DLGAP2: variants seen among roughly 807,000 people sequenced by gnomAD.
DLGAP2 encodes disks large-associated protein 2.
A neutral mutation model predicts 100.3 loss-of-function variants in DLGAP2; 26 were observed. That is an observed-to-expected ratio of 0.26 (90% CI 0.19 to 0.36). The LOEUF is 0.36. DLGAP2 is among the 10% of genes least tolerant of loss of function. The pLI is 1.00. For synonymous variants in DLGAP2, 886 were observed against 630.1 expected, an observed-to-expected ratio of 1.41 and a Z score of -6.08; for missense variants, 1,858 against 1,453.2, an observed-to-expected ratio of 1.28 and a Z score of -4.53.
At chr8:1,160,577 T>C (rs1028484355) in intron 2 of DLGAP2, among the ~76,000 whole-genome samples, 2 of 152,182 alleles carry the variant, frequency 1.3e-5, no homozygotes, top group Non-Finnish European at 2.9e-5. Flanking sequence ...ATTTTGCCAG[T>C]TTGGGGAGTA....
At chr8:1,085,602 T>A (rs905295502) in intron 2 of DLGAP2, among the ~76,000 whole-genome samples, 26 of 152,360 alleles carry the variant, frequency 1.7e-4, no homozygotes, top group African/African-American at 6.3e-4. Context: ...GTTTCTGGGC[T>A]CTCTGTTCTG....
intron 2 of DLGAP2, among the ~76,000 whole-genome samples, chr8:1,170,830 A>G (rs1351791139): frequency 1.4e-5 from 2 of 144,854 alleles, no homozygotes; most frequent in South Asian, 2.4e-4. Flanking sequence ...CTTTCAAAAA[A>G]CCAGCTCCTG....
intron 1 of DLGAP2, among the ~76,000 whole-genome samples, chr8:778,860 G>C (rs1380709376): frequency 6.6e-6 from 1 of 152,232 alleles, no homozygotes; most frequent in East Asian, 1.9e-4. Context: ...GAGCTGTGGT[G>C]GGCTCCACCC....
chr8:1,666,420 C>T (rs1485071132), intron 8 of DLGAP2, among the ~76,000 whole-genome samples: 1 of 152,156 alleles, frequency 6.6e-6, no homozygotes, highest in East Asian at 1.9e-4. Context: ...CACCTGTAAT[C>T]CCAGTACTTT....
At chr8:999,911 CA>C (rs1800896743) in intron 2 of DLGAP2, among the ~76,000 whole-genome samples, 1 of 151,418 alleles carries the variant, frequency 6.6e-6, no homozygotes, top group Admixed American at 6.6e-5. Context: ...CTAGAGCAGA[CA>C]GATCCGGGTG....
At chr8:1,346,703 G>T (rs1344282761) in intron 3 of DLGAP2, among the ~76,000 whole-genome samples, 1 of 131,430 alleles carries the variant, frequency 7.6e-6, no homozygotes, top group Non-Finnish European at 1.7e-5. Flanking sequence ...ACTCATGGTA[G>T]CTGTGTGGAG....
At chr8:779,510 C>G (rs1015037964) in intron 1 of DLGAP2, among the ~76,000 whole-genome samples, 1 of 149,458 alleles carries the variant, frequency 6.7e-6, no homozygotes, top group Non-Finnish European at 1.5e-5. Flanking sequence ...GTCGCCCAGG[C>G]TGGAGTGCAG....
intron 2 of DLGAP2, among the ~76,000 whole-genome samples, chr8:910,807 G>A (rs1349893194): frequency 6.6e-6 from 1 of 152,122 alleles, no homozygotes; most frequent in Admixed American, 6.5e-5. Flanking sequence ...TGTCCTTGCA[G>A]GGGGTTCCGT....
At chr8:1,200,989 C>T (rs937517319) in intron 2 of DLGAP2, among the ~76,000 whole-genome samples, 26 of 152,164 alleles carry the variant, frequency 1.7e-4, no homozygotes, top group African/African-American at 6.0e-4. Flanking sequence ...GGAAAGAAGG[C>T]GCGGCTGTCT....
chr8:1,147,328 G>C (rs1158260555), intron 2 of DLGAP2, among the ~76,000 whole-genome samples: 3 of 151,968 alleles, frequency 2.0e-5, no homozygotes, highest in East Asian at 3.9e-4. Flanking sequence ...GCTATTGTAT[G>C]GAAATACATT....
At chr8:762,271 C>A (rs1362694409) in intron 1 of DLGAP2, among the ~76,000 whole-genome samples, 1 of 152,222 alleles carries the variant, frequency 6.6e-6, no homozygotes, top group Non-Finnish European at 1.5e-5. Flanking sequence ...TTATGTGCAA[C>A]TTATTACCAA....
intron 7 of DLGAP2, among the ~76,000 whole-genome samples, chr8:1,630,949 A>T (rs555451951): frequency 2.2e-5 from 3 of 134,460 alleles, no homozygotes; most frequent in African/African-American, 8.6e-5. Flanking sequence ...TCTCGGCGGG[A>T]GGTCCCAGTG....
intron 3 of DLGAP2, among the ~76,000 whole-genome samples, chr8:1,261,669 G>T (rs947834630): frequency 6.6e-6 from 1 of 152,228 alleles, no homozygotes; most frequent in Non-Finnish European, 1.5e-5. Context: ...TACGAGTGCA[G>T]TTGCTCCAGA....
At chr8:1,053,750 G>T (rs1467057958) in intron 2 of DLGAP2, among the ~76,000 whole-genome samples, 1 of 152,150 alleles carries the variant, frequency 6.6e-6, no homozygotes. Context: ...ACTGTGGCAG[G>T]TTAGCAAGCA....
rs189976622 is a variant in DLGAP2, at chr8:1,532,423, C to T, written c.173-16203C>T. On this transcript the variant is annotated intron_variant, in intron 4 of 14. Transcript: ENST00000637795. ...TCAGGGAGTAAGTAAATAAGCAATA[C>T]GAGATTGGTTTTCTGATACAGAAAC... is the stretch of plus-strand genomic sequence containing the variant. Among the ~76,000 whole-genome samples, 12 of 152,216 alleles carry T rather than the reference C, an allele frequency of 7.9e-5. No individual in the cohort carries two copies. The East Asian group carries it at 1.9e-3, about 24-fold the overall frequency.
chr8:1,050,248 C>G (rs1292782454), intron 2 of DLGAP2, among the ~76,000 whole-genome samples: 1 of 152,226 alleles, frequency 6.6e-6, no homozygotes, highest in Admixed American at 6.5e-5. Context: ...TGGTTTGACA[C>G]ACAATTTTTT....
Position 850,827 on chromosome 8 carries a change from A to AT in DLGAP2, c.19-57075dup, listed in dbSNP as rs1298146665. The stretch of plus-strand genomic sequence containing the variant: ...CAATTTTCCTAAAATAATAGTTAAA[A>AT]TTTTTTTTTTCACTTTAAAGAATTC... On this transcript the variant is annotated intron_variant, in intron 1 of 14. Coordinates refer to ENST00000637795, the MANE Select transcript of DLGAP2 (RefSeq NM_001346810.2). 4.5e-3 allele frequency among the ~76,000 whole-genome samples: 673 copies of AT among 150,854 alleles called. 5 individuals are homozygous for AT. Among genetic ancestry groups the AT allele is most frequent in the African/African-American group, 0.015 (613 of 41,166 alleles).
chr8:1,023,852 T>C (rs1169712893), intron 2 of DLGAP2, among the ~76,000 whole-genome samples: 2 of 139,960 alleles, frequency 1.4e-5, no homozygotes, highest in Admixed American at 7.4e-5. Flanking sequence ...GCTCAAACTT[T>C]ATATATGTGT....
chr8:1,221,159 T>C (rs1798306968), intron 2 of DLGAP2, among the ~76,000 whole-genome samples: 1 of 152,216 alleles, frequency 6.6e-6, no homozygotes, highest in East Asian at 1.9e-4. Flanking sequence ...CTGATCGTTA[T>C]GTATACTCGG....
Sources: gnomAD v4.1 joint callset for allele counts (sites outside exome capture counted in the v4.1 genomes callset) on GRCh38, gnomAD v4.1.1 for gene constraint, MANE v1.5 for transcripts, NCBI Gene and HGNC (gene_info 2026-07-23, HGNC 2026-07-21) for gene names.